Variants in MACF1 observed in about 807,000 individuals in gnomAD.
MACF1 encodes the protein microtubule actin crosslinking factor 1, also known as microtubule-actin cross-linking factor 1.
A neutral mutation model predicts 854.8 loss-of-function variants in MACF1; 193 were observed. That is an observed-to-expected ratio of 0.23 (90% CI 0.20 to 0.25). MACF1 has a LOEUF of 0.25. Ranked by LOEUF, MACF1 falls within the 10% of genes least tolerant of loss-of-function variation. The pLI is 1.00. For synonymous variants in MACF1, 3,185 were observed against 3,226.7 expected (o/e 0.99, Z 0.44); for missense variants, 7,722 against 8,929.1 (o/e 0.86, Z 5.45).
chr1:39,109,528 G>C (rs1642338697), intron 2 of MACF1, among the ~76,000 whole-genome samples: 1 of 151,932 alleles, frequency 6.6e-6, no homozygotes, highest in Non-Finnish European at 1.5e-5. Flanking sequence ...GCCTGCCTCA[G>C]CCTCCCAAAG....
At chr1:39,449,953 C>T (rs189543384) in intron 84 of MACF1, among the ~76,000 whole-genome samples, 76 of 151,872 alleles carry the variant, frequency 5.0e-4, no homozygotes, top group African/African-American at 1.8e-3. Flanking sequence ...TCCATCTCCC[C>T]GGTTCAAGCA....
chr1:39,265,983 A>G (rs1468036317), intron 6 of MACF1, among the ~76,000 whole-genome samples: 1 of 152,210 alleles, frequency 6.6e-6, no homozygotes, highest in Non-Finnish European at 1.5e-5. Context: ...TAGTTAGGTT[A>G]CTTAACTTAT....
intron 17 of MACF1, 37 bp from the exon 18 acceptor site, chr1:39,293,421 G>C (rs773527841): frequency 1.3e-6 from 2 of 1,560,268 alleles, no homozygotes; most frequent in Non-Finnish European, 1.7e-6. Context: ...AGATACAAAG[G>C]CTGCCAGTCT....
intron 93 of MACF1, 63 bp downstream of exon 93, chr1:39,462,100 G>A (rs1644566366): frequency 1.3e-6 from 2 of 1,554,294 alleles, no homozygotes; most frequent in Non-Finnish European, 1.8e-6. Flanking sequence ...TCCTGAATTT[G>A]GTTGGGTTCA....
chr1:39,418,288 T>G (rs952012403), intron 58 of MACF1, among the ~76,000 whole-genome samples: 8 of 152,226 alleles, frequency 5.3e-5, no homozygotes, highest in African/African-American at 1.9e-4. Flanking sequence ...AGGCTTGGGA[T>G]GCCTGTGGTT....
At chr1:39,324,544 A>G (rs2148457700) in intron 34 of MACF1, 102 bp from the exon 35 acceptor site, 2 of 1,099,810 alleles carry the variant, frequency 1.8e-6, no homozygotes, top group East Asian at 2.6e-5. Flanking sequence ...AATTTGACCT[A>G]AGCTGCATAT....
intron 2 of MACF1, among the ~76,000 whole-genome samples, chr1:39,150,216 T>G (rs1049922212): frequency 5.9e-5 from 9 of 152,130 alleles, no homozygotes; most frequent in African/African-American, 1.9e-4. Flanking sequence ...GATGGGGTTT[T>G]GCCATGTGCT....
chr1:39,292,129 A>G, intron 16 of MACF1, 91 bp downstream of exon 16: 1 of 1,429,092 alleles, frequency 7.0e-7, no homozygotes, highest in Non-Finnish European at 9.4e-7. Flanking sequence ...TTGAAGGAGG[A>G]GGGTGCTCTG....
chr1:39,439,457 G>T lies in MACF1; in HGVS notation c.18404G>T (p.Gly6135Val), dbSNP rs1473808460. 1.2e-6 allele frequency: 2 copies of T among 1,614,070 alleles called. No homozygotes were observed. Among genetic ancestry groups the T allele is most frequent in the Non-Finnish European group, 1.7e-6 (2 of 1,180,018 alleles). Residue 6135 changes from glycine to valine, a missense_variant, in exon 72 of 101, where the codon GGC becomes GTC. Coordinates refer to ENST00000564288, the MANE Select transcript of MACF1 (RefSeq NM_001394062.1). ...ATTGTCCATGACTTGGAAAGCCCAG[G>T]CATTGATCCTTCCATCATCAAACAA... ...QDIVHDLESP[G>V]IDPSIIKQQV...
intron 44 of MACF1, among the ~76,000 whole-genome samples, chr1:39,355,460 C>CTTTTTTTTTTTTTTTTTTTTTTT (rs56202498): frequency 3.7e-5 from 3 of 81,054 alleles, no homozygotes; most frequent in African/African-American, 4.9e-5. Context: ...TTTTCTTCTG[C>CTTTTTTTTTTTTTTTTTTTTTTT]TTTTTTTTTT....
intron 2 of MACF1, among the ~76,000 whole-genome samples, chr1:39,170,260 T>A (rs763632286): frequency 6.6e-6 from 1 of 152,208 alleles, no homozygotes; most frequent in Non-Finnish European, 1.5e-5. Context: ...ATTGAAATGG[T>A]AAGCTTTTTT....
rs151097384 is a variant in MACF1 at position 39,367,301 on chromosome 1, A to G, written c.12772-847A>G. 5.1e-4 allele frequency among the ~76,000 whole-genome samples: 78 copies of G among 151,534 alleles called. 2 individuals are homozygous for G. In the East Asian group the frequency reaches 9.1e-3, roughly 18 times the overall value. ...ATACAGTTTTATCTCTTCTTTTCCA[A>G]TTCTTACTCCACAGATTGTTTTCTC... On this transcript the variant is annotated intron_variant, in intron 49 of 100. Transcript: ENST00000564288.
intron 2 of MACF1, among the ~76,000 whole-genome samples, chr1:39,190,226 G>A (rs920819104): frequency 5.3e-5 from 8 of 151,836 alleles, no homozygotes; most frequent in African/African-American, 1.9e-4. Context: ...TTAGTAATTA[G>A]GTATGCCATA....
In MACF1 at chr1:39,283,333, A is replaced by T. The variant is rs1450620863; in HGVS notation, c.808+32A>T. On this transcript the variant is annotated intron_variant, in intron 8 of 100. Coordinates refer to ENST00000564288, the MANE Select transcript of MACF1 (RefSeq NM_001394062.1). This position sits in a 1 kb window ranked among gnomAD's most constrained non-coding sequence, Gnocchi z 4.5. ...GGGAGTTTACTGAACTTGAGTAAGG[A>T]ACACGTATTCAGTATTCCTTCTTCT... 1.9e-6 allele frequency: 3 copies of T among 1,586,616 alleles called. No individual in the cohort carries two copies. The East Asian group carries it at 6.7e-5, about 35-fold the overall frequency.
At chr1:39,269,374 C>A (rs1171057752) in intron 6 of MACF1, 4 of 1,289,770 alleles carry the variant, frequency 3.1e-6, no homozygotes, top group Non-Finnish European at 4.0e-6. Flanking sequence ...GAGGAAGGAA[C>A]CAAGAGTGTT....
At chr1:39,338,423 A>T (rs890896100) in intron 38 of MACF1, among the ~76,000 whole-genome samples, 4 of 152,196 alleles carry the variant, frequency 2.6e-5, no homozygotes, top group Non-Finnish European at 5.9e-5. Flanking sequence ...GAACAACCTG[A>T]TTTATACTAC....
intron 23 of MACF1, among the ~76,000 whole-genome samples, chr1:39,306,409 T>C (rs1191468861): frequency 6.6e-6 from 1 of 152,158 alleles, no homozygotes; most frequent in East Asian, 1.9e-4. Flanking sequence ...ATTACAGGCG[T>C]GAGCCACTGC....
At chr1:39,254,611 G>T in intron 5 of MACF1, 1 of 438,408 alleles carries the variant, frequency 2.3e-6, no homozygotes, top group Non-Finnish European at 4.0e-6. Context: ...AGAACATGAT[G>T]ATAAAGATGG....
intron 2 of MACF1, among the ~76,000 whole-genome samples, chr1:39,134,753 T>C (rs1029370183): frequency 9.8e-5 from 15 of 152,316 alleles, no homozygotes; most frequent in Non-Finnish European, 2.1e-4. Context: ...GGAGTCATAA[T>C]AACAATACGC....
Sources: gnomAD v4.1 joint callset for allele counts (sites outside exome capture counted in the v4.1 genomes callset) on GRCh38, gnomAD v4.1.1 for gene constraint, Gnocchi (gnomAD v3.1) non-coding constraint, MANE v1.5 for transcripts, NCBI Gene and HGNC (gene_info 2026-07-23, HGNC 2026-07-21) for gene names.